Variants in JMJD4 observed in about 807,000 individuals in gnomAD.
The protein encoded by JMJD4 is jumonji domain containing 4.
JMJD4 carries 34 observed loss-of-function variants against 36.3 expected under a neutral mutation model. The observed-to-expected ratio is 0.94, with a 90% CI of 0.71 to 1.25. The LOEUF (loss-of-function observed/expected upper bound fraction) is 1.25. Ranked by LOEUF, JMJD4 falls within the 50% of genes most tolerant of loss-of-function variation. The pLI is 0.00. For missense variants in JMJD4, 584 were observed against 559.1 expected (o/e 1.04, Z -0.45); for synonymous variants, 269 against 235.3 (o/e 1.14, Z -1.31).
At chr1:227,734,893 A>T in intron 1 of JMJD4, 77 bp from the exon 2 acceptor site, 1 of 1,578,688 alleles carries the variant, frequency 6.3e-7, no homozygotes, top group Non-Finnish European at 8.6e-7. Flanking sequence ...GGAACTCTCC[A>T]GGGGCCACGC....
In JMJD4 at chr1:227,732,633, T is replaced by A; in HGVS notation, c.1013A>T (p.Tyr338Phe). Residue 338 changes from tyrosine to phenylalanine, a missense_variant, in exon 6 of 6, where the codon TAC becomes TTC. Physicochemically the swap from Tyr to Phe is conservative, Grantham distance 22 (BLOSUM62 3). Coordinates refer to ENST00000620518, the MANE Select transcript of JMJD4 (RefSeq NM_023007.3). ...SCSGINFEEF[Y>F]HFLKVIAEKR... Reference sequence around the variant, plus strand: ...CTCAGCGATGACCTTGAGGAAGTGGTAAAACTCTTCAAAGTTGATGCCCGA... The same window carrying A: ...CTCAGCGATGACCTTGAGGAAGTGGAAAAACTCTTCAAAGTTGATGCCCGA... The A allele has an allele frequency of 8.7e-6, 14 of 1,613,420 alleles. No homozygotes were observed. The highest frequency in any genetic ancestry group is 1.2e-5 in the Non-Finnish European group (14 of 1,179,990).
Position 227,732,360 on chromosome 1 carries a change from T to G in JMJD4, c.*32A>C, listed in dbSNP as rs1060295. The G allele has an allele frequency of 0.6, 959,465 of 1,600,718 alleles. 293,570 individuals carry two copies. Among genetic ancestry groups the G allele is most frequent in the African/African-American group, 0.9 (67,400 of 74,746 alleles). On this transcript the variant is annotated 3_prime_UTR_variant, in exon 6 of 6. Coordinates refer to ENST00000620518, the MANE Select transcript of JMJD4 (RefSeq NM_023007.3). ...GCCCCGGAGCAGGAGGCTGCCTCTC[T>G]TCCACCCGTCCTTCTATCCTCACGA...
In JMJD4 at chr1:227,732,400, C is replaced by T; in HGVS notation, c.1246G>A (p.Ala416Thr). The T allele has an allele frequency of 6.2e-7, 1 of 1,612,404 alleles. No homozygotes were observed. Among genetic ancestry groups the T allele is most frequent in the Non-Finnish European group, 8.5e-7 (1 of 1,179,982 alleles). Residue 416 changes from alanine (A) to threonine (T), a missense_variant, in exon 6 of 6, where the codon GCC becomes ACC. Ala to Thr is a moderately conservative substitution (Grantham distance 58). Coordinates refer to ENST00000620518, the MANE Select transcript of JMJD4 (RefSeq NM_023007.3). ...TATCCTCACGACAGGTGCTATGGGG[C>T]CGCAGCAGCATCAACAGCCTCTCTC... Reference protein sequence around the residue: ...QLREAVDAAAAP With the variant: ...QLREAVDAAATP
rs1414621792 is a variant in JMJD4, at chr1:227,733,888, CCCACATCCGTGGCCTCA to C, written c.554+2_554+18del. ...TCACCAGGCCCCTTCGGGTTCCACT[CCCACATCCGTGGCCTCA>C]CCAGCTGCCCGCAGGCCCCGCGTAG... On this transcript the variant is annotated splice_donor_variant and splice_donor_5th_base_variant and intron_variant, in intron 3 of 5. Transcript: ENST00000620518. LOFTEE classifies it high-confidence loss of function. 1.2e-6 allele frequency: 2 copies of C among 1,612,570 alleles called. No individual in the cohort carries two copies. The highest frequency in any genetic ancestry group is 2.2e-5 in the South Asian group (2 of 91,012).
rs1198421326 is a variant in JMJD4, at chr1:227,735,213, G to C, written c.61C>G (p.Pro21Ala). The C allele has an allele frequency of 1.3e-6, 2 of 1,588,830 alleles. No homozygotes were observed. Among genetic ancestry groups the C allele is most frequent in the Non-Finnish European group, 1.7e-6 (2 of 1,168,370 alleles). Residue 21 changes from proline to alanine, a missense_variant, in exon 1 of 6, where the codon CCC becomes GCC. Physicochemically the swap from Pro to Ala is conservative, Grantham distance 27. Coordinates refer to ENST00000620518, the MANE Select transcript of JMJD4 (RefSeq NM_023007.3). ...CGGCCCGGAGCCTGGCCGACGCCGG[G>C]GACATCGACCCCCAGGCCTCGGAAG... is the stretch of plus-strand genomic sequence containing the variant. ...SHFRGLGVDVPGVGQAPGRVA... is the reference protein window; with the variant it reads ...SHFRGLGVDVAGVGQAPGRVA...
At chr1:227,734,948 G>A (rs1168697665) in intron 1 of JMJD4, 64 bp downstream of exon 1, 4 of 1,493,144 alleles carry the variant, frequency 2.7e-6, no homozygotes, top group African/African-American at 1.4e-5. Flanking sequence ...CTAGGCGGGG[G>A]CCTCCCGGGC....
In JMJD4 at chr1:227,734,646, A is replaced by G. The variant is rs1326296140; in HGVS notation, c.428+5T>C. 6.2e-7 allele frequency: 1 copy of G among 1,613,810 alleles called. No individual in the cohort carries two copies. Among genetic ancestry groups the G allele is most frequent in the Non-Finnish European group, 8.5e-7 (1 of 1,179,942 alleles). On this transcript the variant is annotated splice_donor_5th_base_variant and intron_variant, in intron 2 of 5. Transcript: ENST00000620518. ...AGCGCCTCGGTGCGTCCCAAGCCCC[A>G]TTACCTGCACAAGTGCCAGTCTTTG... is the stretch of plus-strand genomic sequence containing the variant.
intron 3 of JMJD4, 76 bp from the exon 4 acceptor site, chr1:227,733,757 C>T (rs1660842421): frequency 1.9e-6 from 3 of 1,591,582 alleles, no homozygotes; most frequent in Non-Finnish European, 2.6e-6. Context: ...GAGGCCTGGT[C>T]CAACTGAAGG....
At position 227,731,989 on chromosome 1, in the gene JMJD4, C is replaced by A. The variant is rs562163555; in HGVS notation, c.*403G>T. ...AGCACTGCTCCAACCCCTCCCTGAACCCACAGGGCAGAGCCAGGGGTGGTC... is the reference window on the plus strand; with the variant it reads ...AGCACTGCTCCAACCCCTCCCTGAAACCACAGGGCAGAGCCAGGGGTGGTC... On this transcript the variant is annotated 3_prime_UTR_variant, in exon 6 of 6. Transcript: ENST00000620518. 9.0e-5 allele frequency: 22 copies of A among 243,306 alleles called. No individual in the cohort carries two copies. The highest frequency in any genetic ancestry group is 5.9e-4 in the South Asian group (9 of 15,206). 15.1% of individuals were successfully genotyped at this position (243,306 alleles called of 1,614,324 possible). A position where few individuals can be genotyped will look rare whatever the true frequency, so the allele number is the denominator to read the frequency against.
rs572621463 is a variant in JMJD4 at position 227,734,709 on chromosome 1, G to A, written c.370C>T (p.Gln124Ter). The change falls in exon 2 of 6, where the codon CAG becomes TAG. Residue 124 changes from glutamine to a stop codon, truncating the protein, a stop_gained. Transcript: ENST00000620518. LOFTEE classifies it high-confidence loss of function. ...DYITYWKEYI[Q>*]AGYSSPRGCL... ...CCCCTGGGAGAGGAGTAGCCCGCCT[G>A]TATGTACTCTTTCCAGTAGGTGATG... 1.9e-6 allele frequency: 3 copies of A among 1,614,154 alleles called. No individual in the cohort carries two copies. The highest frequency in any genetic ancestry group is 2.2e-5 in the East Asian group (1 of 44,884).
chr1:227,734,351 TTA>T (rs1660907605), intron 2 of JMJD4: 1 of 263,806 alleles, frequency 3.8e-6, no homozygotes, highest in South Asian at 8.5e-5. Flanking sequence ...CCTAGTCTCT[TTA>T]AAAAAAAAAA....
In JMJD4 at chr1:227,732,923, G is replaced by A. The variant is rs781408815; in HGVS notation, c.927C>T (p.Ser309=). ...QELCAVQEEV[S]EWRDSMPDWH... ...AGTCGGGCATGGAGTCCCTCCACTC[G>A]CTGACCTCCTCCTGCACGGCGCATA... Residue 309 remains serine (S), a synonymous_variant, in exon 5 of 6, where the codon AGC becomes AGT. Coordinates refer to ENST00000620518, the MANE Select transcript of JMJD4 (RefSeq NM_023007.3). 5.0e-6 allele frequency: 8 copies of A among 1,612,902 alleles called. No homozygotes were observed. The highest frequency in any genetic ancestry group is 1.3e-5 in the African/African-American group (1 of 74,928).
chr1:227,734,536 C>A, intron 2 of JMJD4, 115 bp downstream of exon 2: 1 of 939,062 alleles, frequency 1.1e-6, no homozygotes, highest in South Asian at 1.6e-5. Flanking sequence ...ATTAAAGTGC[C>A]TCACGGGGAA....
In JMJD4 at chr1:227,732,384, G is replaced by A. The variant is rs374619250; in HGVS notation, c.*8C>T. On this transcript the variant is annotated 3_prime_UTR_variant, in exon 6 of 6. Coordinates refer to ENST00000620518, the MANE Select transcript of JMJD4 (RefSeq NM_023007.3). ...CTTCCACCCGTCCTTCTATCCTCAC[G>A]ACAGGTGCTATGGGGCCGCAGCAGC... The A allele has an allele frequency of 5.5e-5, 88 of 1,611,012 alleles. No individual in the cohort carries two copies. Among genetic ancestry groups the A allele is most frequent in the Non-Finnish European group, 6.7e-5 (79 of 1,179,374 alleles).
chr1:227,732,564 G>A lies in JMJD4; in HGVS notation c.1082C>T (p.Ala361Val), dbSNP rs760880513. 2 of 1,613,484 alleles carry A rather than the reference G, an allele frequency of 1.2e-6. No individual in the cohort carries two copies. The highest frequency in any genetic ancestry group is 2.2e-5 in the South Asian group (2 of 91,086). ...VLREAAAEDG[A>V]GLGFEQAAFD... The stretch of plus-strand genomic sequence containing the variant: ...GGCTGCCTGTTCGAAACCCAACCCA[G>A]CACCGTCCTCAGCGGCTGCCTCCCT... Residue 361 changes from alanine (A) to valine (V), a missense_variant, in exon 6 of 6, where the codon GCT (alanine) becomes GTT (valine). By Grantham distance (64) the Ala-to-Val change is moderately conservative (BLOSUM62 0). Transcript: ENST00000620518.
intron 4 of JMJD4, 95 bp from the exon 5 acceptor site, chr1:227,733,122 G>T: frequency 2.2e-6 from 3 of 1,364,652 alleles, no homozygotes; most frequent in Non-Finnish European, 3.0e-6. Flanking sequence ...GTGGGGTCCA[G>T]CCCTCTGCAG....
In JMJD4 at chr1:227,732,623, G is replaced by T; in HGVS notation, c.1023C>A (p.Leu341=). The T allele has an allele frequency of 6.2e-7, 1 of 1,613,466 alleles. No homozygotes were observed. Residue 341 remains leucine, a synonymous_variant, in exon 6 of 6, where the codon CTC becomes CTA. Transcript: ENST00000620518. ...GGAGCCTCTTCTCAGCGATGACCTT[G>T]AGGAAGTGGTAAAACTCTTCAAAGT... ...GINFEEFYHF[L]KVIAEKRLLV...
chr1:227,732,643 C>CA lies in JMJD4; in HGVS notation c.1002dup (p.Glu335Ter), dbSNP rs1415159392. 2.5e-6 allele frequency: 4 copies of CA among 1,613,366 alleles called. No homozygotes were observed. The South Asian group carries it at 3.3e-5, about 13-fold the overall frequency. ...ACCTTGAGGAAGTGGTAAAACTCTT[C>CA]AAAGTTGATGCCCGAGCAGGACCTC... On this transcript the variant is annotated frameshift_variant, in exon 6 of 6. Coordinates refer to ENST00000620518, the MANE Select transcript of JMJD4 (RefSeq NM_023007.3). LOFTEE classifies it low-confidence loss of function (END_TRUNC).
rs768901659 is a variant in JMJD4 at position 227,735,246 on chromosome 1, C to T, written c.28G>A (p.Asp10Asn). MDRETRALA[D>N]SHFRGLGVDV... is the part of the protein sequence containing the mutation. ...ACCCCCAGGCCTCGGAAGTGGCTGT[C>T]GGCGAGGGCGCGCGTCTCGCGGTCC... The change falls in exon 1 of 6, where the codon GAC becomes AAC. Residue 10 changes from aspartate to asparagine, a missense_variant. Physicochemically the swap from Asp to Asn is conservative, Grantham distance 23. Transcript: ENST00000620518. The T allele has an allele frequency of 2.5e-6, 4 of 1,601,278 alleles. No individual in the cohort carries two copies. The highest frequency in any genetic ancestry group is 2.3e-5 in the East Asian group (1 of 44,158).
Sources: gnomAD v4.1 joint callset for allele counts on GRCh38, gnomAD v4.1.1 for gene constraint, MANE v1.5 for transcripts, NCBI Gene and HGNC (gene_info 2026-07-23, HGNC 2026-07-21) for gene names.